MTMR7: variants seen among roughly 807,000 people sequenced by gnomAD.
MTMR7 encodes myotubularin related protein 7, also known as phosphatidylinositol-3-phosphate phosphatase MTMR7.
In MTMR7, 76 loss-of-function variants were observed where a neutral mutation model predicts 81.2. That is an observed-to-expected ratio of 0.94 (90% CI 0.78 to 1.13). MTMR7 has a LOEUF of 1.13. MTMR7 is among the 50% of genes most tolerant of loss of function. MTMR7 has a pLI of 0.00. For synonymous variants in MTMR7, 372 were observed against 289.8 expected, an observed-to-expected ratio of 1.28 and a Z score of -2.88; for missense variants, 1,044 against 820.0, an observed-to-expected ratio of 1.27 and a Z score of -3.34.
chr8:17,309,139 A>G (rs1030897304), intron 10 of MTMR7, 138 bp downstream of exon 10: 2 of 631,128 alleles, frequency 3.2e-6, no homozygotes, highest in African/African-American at 3.7e-5. Context: ...GATATGACAT[A>G]TACAACAAAA....
intron 1 of MTMR7, among the ~76,000 whole-genome samples, chr8:17,386,768 C>A (rs1820955773): frequency 6.6e-6 from 1 of 152,228 alleles, no homozygotes; most frequent in Non-Finnish European, 1.5e-5. Flanking sequence ...ACGCTTACCC[C>A]TAAACCATTC....
At chr8:17,371,947 G>T (rs1322301165) in intron 2 of MTMR7, among the ~76,000 whole-genome samples, 1 of 143,154 alleles carries the variant, frequency 7.0e-6, no homozygotes, top group Non-Finnish European at 1.5e-5. Context: ...TGGTCACCTT[G>T]CTGTGCAATA....
intron 3 of MTMR7, among the ~76,000 whole-genome samples, chr8:17,370,336 C>G (rs1357571605): frequency 6.6e-6 from 1 of 151,914 alleles, no homozygotes; most frequent in Non-Finnish European, 1.5e-5. Flanking sequence ...GCCTGGCCAA[C>G]ATGGCAAAAC....
chr8:17,299,695 G>A lies in MTMR7; in HGVS notation c.*167C>T. 1 of 832,412 alleles carries A rather than the reference G, an allele frequency of 1.2e-6. No individual in the cohort carries two copies. The allele number at this position is 832,412 out of a possible 1,614,324, so 51.6% of individuals were successfully genotyped here. On this transcript the variant is annotated 3_prime_UTR_variant, in exon 14 of 14. Transcript: ENST00000180173. ...AAATGAAATGACTACGTCCTCTTCAGTATCTAAGAAATCAAGAACTGGGCA... is the reference window on the plus strand; with the variant it reads ...AAATGAAATGACTACGTCCTCTTCAATATCTAAGAAATCAAGAACTGGGCA...
intron 6 of MTMR7, among the ~76,000 whole-genome samples, chr8:17,336,452 C>G (rs545093939): frequency 6.6e-6 from 1 of 152,092 alleles, no homozygotes; most frequent in South Asian, 2.1e-4. Flanking sequence ...ATGACGGCCA[C>G]CAGCAAGTGT....
intron 1 of MTMR7, among the ~76,000 whole-genome samples, chr8:17,397,640 G>A (rs1351186711): frequency 6.6e-6 from 1 of 152,182 alleles, no homozygotes; most frequent in African/African-American, 2.4e-5. Flanking sequence ...CAGGGCCTGG[G>A]GGAACTCGCC....
chr8:17,369,641 C>CTTTTTTTTT (rs71212689), intron 3 of MTMR7, among the ~76,000 whole-genome samples: 998 of 106,038 alleles, frequency 9.4e-3, no homozygotes, highest in Non-Finnish European at 0.015. Context: ...TTCTTTTTTT[C>CTTTTTTTTT]TTTTTTTTTT....
chr8:17,390,694 A>C (rs1010456612), intron 1 of MTMR7, among the ~76,000 whole-genome samples: 1 of 152,202 alleles, frequency 6.6e-6, no homozygotes, highest in African/African-American at 2.4e-5. Context: ...AGGCCTCAGG[A>C]AACTTACAAT....
At chr8:17,365,109 C>G (rs923646322) in intron 3 of MTMR7, among the ~76,000 whole-genome samples, 2 of 152,188 alleles carry the variant, frequency 1.3e-5, no homozygotes, top group Admixed American at 6.5e-5. Flanking sequence ...AAAGGTCATT[C>G]TAACAGTTGT....
At chr8:17,330,645 A>T (rs1025151528) in intron 7 of MTMR7, among the ~76,000 whole-genome samples, 5 of 152,146 alleles carry the variant, frequency 3.3e-5, no homozygotes, top group African/African-American at 9.7e-5. Flanking sequence ...TGTTCGCCAT[A>T]TATGTCAAAG....
intron 6 of MTMR7, among the ~76,000 whole-genome samples, chr8:17,332,827 T>C (rs912903735): frequency 3.3e-5 from 5 of 152,138 alleles, no homozygotes; most frequent in African/African-American, 1.2e-4. Flanking sequence ...TATAGATATG[T>C]ATTTAAGTTT....
intron 1 of MTMR7, among the ~76,000 whole-genome samples, chr8:17,374,917 C>T (rs1441179404): frequency 2.6e-5 from 4 of 151,876 alleles, no homozygotes; most frequent in East Asian, 1.9e-4. Flanking sequence ...GGTGAAACCC[C>T]GTCTCTACTA....
At chr8:17,385,663 C>T (rs1027476086) in intron 1 of MTMR7, among the ~76,000 whole-genome samples, 1 of 152,114 alleles carries the variant, frequency 6.6e-6, no homozygotes, top group African/African-American at 2.4e-5. Flanking sequence ...TAGTACTGTC[C>T]TCACGATGGT....
At chr8:17,340,899 A>G (rs1205499573) in intron 6 of MTMR7, among the ~76,000 whole-genome samples, 1 of 152,150 alleles carries the variant, frequency 6.6e-6, no homozygotes, top group African/African-American at 2.4e-5. Context: ...TTTTTAATTT[A>G]CCTTATATTT....
At chr8:17,396,562 C>T (rs978070100) in intron 1 of MTMR7, among the ~76,000 whole-genome samples, 2 of 152,140 alleles carry the variant, frequency 1.3e-5, no homozygotes, top group Non-Finnish European at 2.9e-5. Flanking sequence ...AATTGCCTAT[C>T]CCAGTGGTCA....
chr8:17,347,710 C>T (rs1819600713), intron 5 of MTMR7, among the ~76,000 whole-genome samples: 1 of 152,212 alleles, frequency 6.6e-6, no homozygotes, highest in Non-Finnish European at 1.5e-5. Flanking sequence ...AAAGACCATT[C>T]TTGCTCATCC....
rs190062914 is a variant in MTMR7, at chr8:17,332,484, G to A, written c.733-1202C>T. Among the ~76,000 whole-genome samples the A allele has an allele frequency of 2.7e-3, 414 of 152,294 alleles. 5 individuals carry two copies. The highest frequency in any genetic ancestry group is 0.024 in the Middle Eastern group (7 of 294). On this transcript the variant is annotated intron_variant, in intron 6 of 13. Coordinates refer to ENST00000180173, the MANE Select transcript of MTMR7 (RefSeq NM_004686.5). ...TGACCTGCGAGCAGTGACCAAGAAG[G>A]AGGGCACAGATCACACAGCAGACAG...
chr8:17,323,947 G>A (rs1199505452), intron 7 of MTMR7, among the ~76,000 whole-genome samples: 1 of 152,090 alleles, frequency 6.6e-6, no homozygotes, highest in Non-Finnish European at 1.5e-5. Flanking sequence ...ATTAATCTTT[G>A]AACTGTCTCA....
intron 6 of MTMR7, among the ~76,000 whole-genome samples, chr8:17,334,131 C>G (rs1819146233): frequency 2.0e-5 from 3 of 152,168 alleles, no homozygotes; most frequent in Non-Finnish European, 2.9e-5. Flanking sequence ...GTGCACTTCT[C>G]AGAATGAACA....
Sources: allele counts gnomAD v4.1 joint callset (sites outside exome capture counted in the v4.1 genomes callset), GRCh38; gene constraint gnomAD v4.1.1; transcripts MANE v1.5; gene names NCBI Gene and HGNC (gene_info 2026-07-23, HGNC 2026-07-21).